Variants in SLC18A2 observed in about 807,000 individuals in gnomAD.
SLC18A2 encodes the protein synaptic vesicular amine transporter.
SLC18A2 carries 33 observed loss-of-function variants against 59.2 expected under a neutral mutation model. The ratio of observed to expected loss-of-function variants is 0.56; its 90% confidence interval spans 0.42 to 0.75. SLC18A2 has a LOEUF of 0.75. Among genes scored for constraint, SLC18A2 ranks in the 30% least tolerant of loss-of-function variants. The pLI, the probability that SLC18A2 is intolerant of heterozygous loss-of-function variation, is 0.00. For synonymous variants in SLC18A2, 228 were observed against 253.5 expected (o/e 0.90, Z 0.95); for missense variants, 569 against 668.6 (o/e 0.85, Z 1.64).
intron 15 of SLC18A2, among the ~76,000 whole-genome samples, chr10:117,274,376 G>GT (rs1243535957): frequency 6.6e-6 from 1 of 152,176 alleles, no homozygotes; most frequent in African/African-American, 2.4e-5. Context: ...CTGCAGTGCA[G>GT]TTTTTTGTTG....
At chr10:117,253,962 T>A (rs1844195216) in intron 4 of SLC18A2, 86 bp from the exon 5 acceptor site, 2 of 1,223,144 alleles carry the variant, frequency 1.6e-6, no homozygotes, top group Non-Finnish European at 2.4e-6. Flanking sequence ...TCCACTGGGT[T>A]AAGGGGGGCT....
chr10:117,267,484 C>A (rs1844361272), intron 12 of SLC18A2, 189 bp from the exon 13 acceptor site: 1 of 477,588 alleles, frequency 2.1e-6, no homozygotes, highest in Non-Finnish European at 3.8e-6. Context: ...TCATAAAACT[C>A]GTTTCAAGCT....
chr10:117,258,845 C>T (rs1366508998), intron 10 of SLC18A2, among the ~76,000 whole-genome samples: 3 of 150,738 alleles, frequency 2.0e-5, no homozygotes, highest in Non-Finnish European at 2.9e-5. Flanking sequence ...CCACTCACTG[C>T]AACCTCTGCC....
chr10:117,259,682 A>G (rs1844272293), intron 10 of SLC18A2, among the ~76,000 whole-genome samples: 1 of 152,226 alleles, frequency 6.6e-6, no homozygotes, highest in African/African-American at 2.4e-5. Flanking sequence ...GTTGTCTTCT[A>G]GCATCCAGGG....
At chr10:117,257,706 G>A in intron 9 of SLC18A2, 91 bp from the exon 10 acceptor site, 1 of 673,266 alleles carries the variant, frequency 1.5e-6, no homozygotes. Flanking sequence ...AGAAGTTGCG[G>A]TTATCTGAGC....
Position 117,277,343 on chromosome 10 carries a change from G to A in SLC18A2, c.*77G>A. ...CCAGTGACACAACTCATCCAGAACT[G>A]TCTTAGTCATACCATCCATCCCTGG... On this transcript the variant is annotated 3_prime_UTR_variant, in exon 16 of 16. Transcript: ENST00000644641. The A allele has an allele frequency of 1.2e-6, 1 of 842,812 alleles. No individual in the cohort carries two copies. The allele number at this position is 842,812 out of a possible 1,614,324, so 52.2% of individuals were successfully genotyped here. A position where few individuals can be genotyped will look rare whatever the true frequency, so the allele number is the denominator to read the frequency against.
chr10:117,262,530 C>T lies in SLC18A2; in HGVS notation c.992-4203C>T, dbSNP rs553963279. ...TGACACTGGAGAGGCTGTTTCCCAGCTTTTCTTCCCTCTGGCCCTTGAGGT... is the reference window on the plus strand; with the variant it reads ...TGACACTGGAGAGGCTGTTTCCCAGTTTTTCTTCCCTCTGGCCCTTGAGGT... On this transcript the variant is annotated intron_variant, in intron 10 of 15. Transcript: ENST00000644641. 2.0e-5 allele frequency among the ~76,000 whole-genome samples: 3 copies of T among 152,026 alleles called. No individual in the cohort carries two copies. The East Asian group carries it at 5.8e-4, about 29-fold the overall frequency.
intron 9 of SLC18A2, among the ~76,000 whole-genome samples, chr10:117,257,498 G>C (rs1844243676): frequency 6.6e-6 from 1 of 152,024 alleles, no homozygotes; most frequent in African/African-American, 2.4e-5. Flanking sequence ...TAATAAACTG[G>C]GCTTCCTTTC....
chr10:117,276,630 A>AAAAAAAGAAAG (rs1445853665), intron 15 of SLC18A2, among the ~76,000 whole-genome samples: 37 of 22,282 alleles, frequency 1.7e-3, no homozygotes, highest in South Asian at 3.8e-3. Flanking sequence ...AAAAAAAAAA[A>AAAAAAAGAAAG]AAAGAAAGAA....
intron 3 of SLC18A2, among the ~76,000 whole-genome samples, chr10:117,250,201 G>GA (rs1233013769): frequency 1.3e-5 from 2 of 152,202 alleles, no homozygotes; most frequent in African/African-American, 4.8e-5. Context: ...GAGCTCTGGG[G>GA]AAAAATGATG....
In SLC18A2 at chr10:117,278,811, CG is replaced by C. The variant is rs1844537727; in HGVS notation, c.*1546del. On this transcript the variant is annotated 3_prime_UTR_variant, in exon 16 of 16. Coordinates refer to ENST00000644641, the MANE Select transcript of SLC18A2 (RefSeq NM_003054.6). ...CTAAGTGCAGTGTGTTTGAAGCAAA[CG>C]AACTTCCAACTCACTTATTTGGCAT... 6.6e-6 allele frequency: 1 copy of C among 152,178 alleles called. No individual in the cohort carries two copies. Among genetic ancestry groups the C allele is most frequent in the African/African-American group, 2.4e-5 (1 of 41,444 alleles). 9.4% of individuals were successfully genotyped at this position (152,178 alleles called of 1,614,324 possible).
intron 3 of SLC18A2, among the ~76,000 whole-genome samples, chr10:117,246,789 A>C (rs1844114488): frequency 6.6e-6 from 1 of 151,950 alleles, no homozygotes; most frequent in Admixed American, 6.6e-5. Flanking sequence ...AGTAGCTGGG[A>C]TTACAGGCGT....
intron 6 of SLC18A2, among the ~76,000 whole-genome samples, chr10:117,254,976 GTC>G (rs1487470413): frequency 3.3e-5 from 5 of 152,230 alleles, no homozygotes; most frequent in Admixed American, 2.6e-4. Flanking sequence ...AAGGAGCGAA[GTC>G]TCTGTTTACA....
chr10:117,272,883 T>A (rs960195443), intron 15 of SLC18A2, among the ~76,000 whole-genome samples: 2 of 152,068 alleles, frequency 1.3e-5, no homozygotes, highest in Non-Finnish European at 2.9e-5. Flanking sequence ...CACCTAATGA[T>A]AAGGGGGCAT....
chr10:117,267,045 A>C lies in SLC18A2; in HGVS notation c.1122+10A>C, dbSNP rs1249015759. On this transcript the variant is annotated intron_variant, in intron 12 of 15. Transcript: ENST00000644641. ...AGTCAGCATTTTATGTGTGAGTAAA[A>C]GATGGCATTTGACAAGTGGGAACAA... The C allele has an allele frequency of 1.9e-6, 3 of 1,607,602 alleles. No individual in the cohort carries two copies. The Admixed American group carries it at 5.0e-5, about 27-fold the overall frequency.
intron 3 of SLC18A2, among the ~76,000 whole-genome samples, chr10:117,250,263 G>A (rs1844147943): frequency 6.6e-6 from 1 of 152,182 alleles, no homozygotes; most frequent in South Asian, 2.1e-4. Flanking sequence ...TGTGTTGAAA[G>A]TGCAGGCACA....
At chr10:117,252,255 A>G (rs572320576) in intron 3 of SLC18A2, among the ~76,000 whole-genome samples, 18 of 144,530 alleles carry the variant, frequency 1.2e-4, no homozygotes, top group South Asian at 6.5e-4. Context: ...AAGTGCCAGG[A>G]TTACAGGCAT....
chr10:117,251,704 A>G (rs1257140096), intron 3 of SLC18A2, among the ~76,000 whole-genome samples: 5 of 152,252 alleles, frequency 3.3e-5, no homozygotes, highest in Non-Finnish European at 2.9e-5. Flanking sequence ...GAAAGATTCT[A>G]TTTAAAGCTA....
intron 3 of SLC18A2, among the ~76,000 whole-genome samples, chr10:117,252,155 T>TG (rs1463701810): frequency 1.4e-5 from 2 of 140,656 alleles, no homozygotes; most frequent in African/African-American, 5.7e-5. Flanking sequence ...TTTTTTTTTT[T>TG]TTTTTTTTAG....
Sources: allele counts gnomAD v4.1 joint callset (sites outside exome capture counted in the v4.1 genomes callset), GRCh38; gene constraint gnomAD v4.1.1; transcripts MANE v1.5; gene names NCBI Gene and HGNC (gene_info 2026-07-23, HGNC 2026-07-21).